The following DNAAF11 variants were observed in gnomAD, a reference collection of about 807,000 sequenced individuals.
DNAAF11 encodes dynein axonemal assembly factor 11.
In DNAAF11, 45 loss-of-function variants were observed where a neutral mutation model predicts 60.8. That is an observed-to-expected ratio of 0.74 (90% CI 0.58 to 0.95). DNAAF11 has a LOEUF of 0.95. Ranked by LOEUF, DNAAF11 falls within the 40% of genes least tolerant of loss-of-function variation. DNAAF11 has a pLI of 0.00. For missense variants in DNAAF11, 546 were observed against 546.2 expected (o/e 1.00, Z 0.00); for synonymous variants, 191 against 183.5 (o/e 1.04, Z -0.33).
At position 132,583,547 on chromosome 8, in the gene DNAAF11, G is replaced by T. The variant is rs1195974507; in HGVS notation, c.1226+147C>A. The T allele has an allele frequency of 1.6e-5, 10 of 641,694 alleles. No homozygotes were observed. The East Asian group carries it at 2.8e-4, about 18-fold the overall frequency. The allele number at this position is 641,694 out of a possible 1,614,324, so 39.8% of individuals were successfully genotyped here. A position where few individuals can be genotyped will look rare whatever the true frequency, so the allele number is the denominator to read the frequency against. On this transcript the variant is annotated intron_variant, in intron 11 of 11. Transcript: ENST00000620350. ...GGAGCCCTACAAAGCAAGAGTCTAC[G>T]GTTTGGGAAATAAACATTAACATTC...
chr8:132,602,947 C>G (rs978307165), intron 10 of DNAAF11, among the ~76,000 whole-genome samples: 13 of 151,994 alleles, frequency 8.6e-5, no homozygotes, highest in Non-Finnish European at 1.5e-4. Context: ...GCTGTGAGGC[C>G]TTCTGATGAC....
intron 1 of DNAAF11, among the ~76,000 whole-genome samples, chr8:132,673,983 C>A (rs776230903): frequency 5.3e-5 from 8 of 151,166 alleles, no homozygotes; most frequent in Non-Finnish European, 7.4e-5. Context: ...AAATTCCCGA[C>A]ATAAAAAAGC....
At chr8:132,593,341 A>ATAT (rs1340330722) in intron 10 of DNAAF11, among the ~76,000 whole-genome samples, 1 of 141,582 alleles carries the variant, frequency 7.1e-6, no homozygotes, top group African/African-American at 2.6e-5. Context: ...ACATATATAT[A>ATAT]TATATATATA....
chr8:132,610,196 T>C lies in DNAAF11; in HGVS notation c.1110A>G (p.Thr370=). 2 of 1,613,996 alleles carry C rather than the reference T, an allele frequency of 1.2e-6. No individual in the cohort carries two copies. The highest frequency in any genetic ancestry group is 1.7e-6 in the Non-Finnish European group (2 of 1,179,926). ...GCATGCAGATGACCAAATGACCCGT[T>C]GTCTGAGATCTTTTAGCAGAACTAC... ...PDSSSAKRSQ[T]TGHLVICMPK... is the part of the protein sequence containing the mutation. The change falls in exon 10 of 12, where the codon ACA becomes ACG. Residue 370 remains threonine (T), a synonymous_variant. Coordinates refer to ENST00000620350, the MANE Select transcript of DNAAF11 (RefSeq NM_012472.6).
the DNAAF11 span, among the ~76,000 whole-genome samples, chr8:132,681,254 C>T: frequency 6.6e-6 from 1 of 151,270 alleles, no homozygotes; most frequent in Non-Finnish European, 1.5e-5. Flanking sequence ...AGGTTATCCA[C>T]CTGCCTTGGT....
chr8:132,661,442 C>T lies in DNAAF11; in HGVS notation c.178+18G>A, dbSNP rs748179205. On this transcript the variant is annotated intron_variant, in intron 2 of 11. Coordinates refer to ENST00000620350, the MANE Select transcript of DNAAF11 (RefSeq NM_012472.6). ...CACAATGTTCAAGAAACCATGAGAACTAAGTACTGAAACTTACCAATTTTC... is the reference window on the plus strand; with the variant it reads ...CACAATGTTCAAGAAACCATGAGAATTAAGTACTGAAACTTACCAATTTTC... 7.7e-5 allele frequency: 123 copies of T among 1,594,454 alleles called. 3 individuals are homozygous for T. The South Asian group carries it at 1.2e-3, about 16-fold the overall frequency.
rs1242390342 is a variant in DNAAF11, at chr8:132,646,843, G to C, written c.257-8736C>G. On this transcript the variant is annotated intron_variant, in intron 3 of 11. Transcript: ENST00000620350. ...ATACAGGAGCACCCAGACTCATAAAGCAAGTCCTTAGAGACCTACAAAGAG... is the reference window on the plus strand; with the variant it reads ...ATACAGGAGCACCCAGACTCATAAACCAAGTCCTTAGAGACCTACAAAGAG... Among the ~76,000 whole-genome samples the C allele has an allele frequency of 4.6e-5, 7 of 152,130 alleles. No individual in the cohort carries two copies. The East Asian group carries it at 1.3e-3, about 29-fold the overall frequency.
intron 7 of DNAAF11, among the ~76,000 whole-genome samples, chr8:132,619,011 C>T (rs1325750939): frequency 5.9e-5 from 9 of 151,926 alleles, no homozygotes; most frequent in East Asian, 1.9e-4. Context: ...ATGTTTATTG[C>T]GGCACTATTC....
chr8:132,646,441 T>G (rs1822396358), intron 3 of DNAAF11, among the ~76,000 whole-genome samples: 1 of 152,240 alleles, frequency 6.6e-6, no homozygotes, highest in South Asian at 2.1e-4. Context: ...ACAAGCAAAA[T>G]AACCAGCTAA....
chr8:132,656,906 T>A lies in DNAAF11; in HGVS notation c.180A>T (p.Glu60Asp). The change falls in exon 3 of 12, where the codon GAA (glutamate) becomes GAT (aspartate). Residue 60 changes from glutamate (E) to aspartate (D), a missense_variant and splice_region_variant. Glu to Asp is a conservative substitution (Grantham distance 45, BLOSUM62 2). Transcript: ENST00000620350. Reference sequence around the variant, plus strand: ...CAAGTTTCTTGAGTTTGCTAACATTTTCTGAAATACAAGATAATGTAGTTA... The same window carrying A: ...CAAGTTTCTTGAGTTTGCTAACATTATCTGAAATACAAGATAATGTAGTTA... ...YLQNNLIGKI[E>D]NVSKLKKLEY... is the part of the protein sequence containing the mutation. 8.1e-7 allele frequency: 1 copy of A among 1,235,572 alleles called. No individual in the cohort carries two copies. The highest frequency in any genetic ancestry group is 1.2e-6 in the Non-Finnish European group (1 of 858,242). 76.5% of individuals were successfully genotyped at this position (1,235,572 alleles called of 1,614,324 possible).
rs145972036 is a variant in DNAAF11, at chr8:132,660,293, T to C, written c.178+1167A>G. Among the ~76,000 whole-genome samples, 131 of 152,320 alleles carry C rather than the reference T, an allele frequency of 8.6e-4. 3 individuals carry two copies. The East Asian group carries it at 0.022, about 25-fold the overall frequency. ...GCACATTGTGCAGGTTAGTTACATATGTATACATGTGCCGTGCTGGTCTTA... is the reference window on the plus strand; with the variant it reads ...GCACATTGTGCAGGTTAGTTACATACGTATACATGTGCCGTGCTGGTCTTA... On this transcript the variant is annotated intron_variant, in intron 2 of 11. Coordinates refer to ENST00000620350, the MANE Select transcript of DNAAF11 (RefSeq NM_012472.6).
intron 11 of DNAAF11, chr8:132,578,442 A>C (rs923443264): frequency 1.3e-6 from 2 of 1,520,844 alleles, no homozygotes; most frequent in African/African-American, 1.4e-5. Context: ...AGAGGCCTCT[A>C]GGACGGACGC....
intron 3 of DNAAF11, among the ~76,000 whole-genome samples, chr8:132,653,506 T>A (rs1042200889): frequency 9.2e-5 from 14 of 152,258 alleles, no homozygotes; most frequent in African/African-American, 3.4e-4. Flanking sequence ...AATATAAATT[T>A]ATTTTTGTAC....
Position 132,572,407 on chromosome 8 carries a change from C to T in DNAAF11, c.1300G>A (p.Glu434Lys), listed in dbSNP as rs886062700. 1.7e-5 allele frequency: 27 copies of T among 1,613,814 alleles called. No homozygotes were observed. The highest frequency in any genetic ancestry group is 2.3e-5 in the Non-Finnish European group (27 of 1,179,840). The change falls in exon 12 of 12, where the codon GAG becomes AAG. Residue 434 changes from glutamate to lysine, a missense_variant. Glu to Lys is a moderately conservative substitution (Grantham distance 56, BLOSUM62 1). Transcript: ENST00000620350. ...CGTCTTCTGGGTGTGTGTTTTTTCTCTTGAACTATGTTAGTCACATCAGGG... is the reference window on the plus strand; with the variant it reads ...CGTCTTCTGGGTGTGTGTTTTTTCTTTTGAACTATGTTAGTCACATCAGGG... ...SFPDVTNIVQ[E>K]KKHTPRRRPE...
rs140143023 is a variant in DNAAF11 at position 132,581,950 on chromosome 8, C to T, written c.1226+1744G>A. Among the ~76,000 whole-genome samples, 309 of 152,286 alleles carry T rather than the reference C, an allele frequency of 2.0e-3. 1 individual carries two copies. The highest frequency in any genetic ancestry group is 6.8e-3 in the African/African-American group (284 of 41,550). On this transcript the variant is annotated intron_variant, in intron 11 of 11. Transcript: ENST00000620350. ...TGGGACCACAAGAGGTCACTGATGA[C>T]CTGATGAATAAAACCCTACTCCAGT...
chr8:132,641,783 CA>C (rs1435575305), intron 3 of DNAAF11, among the ~76,000 whole-genome samples: 1 of 152,084 alleles, frequency 6.6e-6, no homozygotes, highest in East Asian at 1.9e-4. Flanking sequence ...AATAAATAAG[CA>C]CATGTAGGAA....
At chr8:132,655,635 C>G (rs1823477977) in intron 3 of DNAAF11, among the ~76,000 whole-genome samples, 1 of 152,056 alleles carries the variant, frequency 6.6e-6, no homozygotes, top group South Asian at 2.1e-4. Context: ...AATAATATAA[C>G]TAATTTAAAA....
At chr8:132,594,655 A>G (rs983319816) in intron 10 of DNAAF11, among the ~76,000 whole-genome samples, 1 of 152,094 alleles carries the variant, frequency 6.6e-6, no homozygotes, top group African/African-American at 2.4e-5. Context: ...GGGAGTTCTC[A>G]GGAGACCTGA....
chr8:132,640,600 T>C (rs925059423), intron 3 of DNAAF11, among the ~76,000 whole-genome samples: 1 of 152,182 alleles, frequency 6.6e-6, no homozygotes, highest in Admixed American at 6.5e-5. Flanking sequence ...GGTCAAGTCA[T>C]AAATTTAAAA....
Sources: allele counts gnomAD v4.1 joint callset (sites outside exome capture counted in the v4.1 genomes callset), GRCh38; gene constraint gnomAD v4.1.1; transcripts MANE v1.5; gene names NCBI Gene and HGNC (gene_info 2026-07-23, HGNC 2026-07-21).